SOX5: variants seen among roughly 807,000 people sequenced by gnomAD.
SOX5 encodes the protein SRY-box transcription factor 5.
In SOX5, 9 loss-of-function variants were observed where a neutral mutation model predicts 92.0. That is an observed-to-expected ratio of 0.10 (90% CI 0.06 to 0.17). The LOEUF is 0.17. Ranked by LOEUF, SOX5 falls within the 10% of genes least tolerant of loss-of-function variation. The pLI is 1.00. For missense variants in SOX5, 642 were observed against 944.5 expected, an observed-to-expected ratio of 0.68 and a Z score of 4.20; for synonymous variants, 344 against 336.3, an observed-to-expected ratio of 1.02 and a Z score of -0.25.
intron 1 of SOX5, among the ~76,000 whole-genome samples, chr12:24,379,047 T>A (rs1017369914): frequency 6.6e-6 from 1 of 152,186 alleles, no homozygotes; most frequent in African/African-American, 2.4e-5. Context: ...CTCTTACCCA[T>A]TGGAACACGG....
chr12:24,300,452 T>C (rs888573724), intron 2 of SOX5, among the ~76,000 whole-genome samples: 5 of 152,216 alleles, frequency 3.3e-5, no homozygotes, highest in African/African-American at 9.6e-5. Context: ...GTGAGCTATT[T>C]TGGACTCAAA....
At chr12:23,537,732 T>G (rs563123479) in intron 13 of SOX5, among the ~76,000 whole-genome samples, 26 of 151,838 alleles carry the variant, frequency 1.7e-4, no homozygotes, top group Non-Finnish European at 2.9e-4. Context: ...AGATATGGTT[T>G]AAAACTTGGA....
At chr12:23,684,742 G>T (rs188707141) in intron 6 of SOX5, among the ~76,000 whole-genome samples, 1 of 152,040 alleles carries the variant, frequency 6.6e-6, no homozygotes, top group Non-Finnish European at 1.5e-5. Context: ...GATGGTAAAG[G>T]CTTCCCAACT....
intron 1 of SOX5, among the ~76,000 whole-genome samples, chr12:23,939,258 G>A (rs1216973510): frequency 6.6e-6 from 1 of 151,086 alleles, no homozygotes; most frequent in Non-Finnish European, 1.5e-5. Flanking sequence ...TTAGCAGTAA[G>A]TTGCCCAACT....
At chr12:24,177,450 A>C (rs1000476989) in intron 4 of SOX5, among the ~76,000 whole-genome samples, 1 of 152,198 alleles carries the variant, frequency 6.6e-6, no homozygotes, top group African/African-American at 2.4e-5. Flanking sequence ...GGTATTGTCT[A>C]AACAGAAAAT....
chr12:23,900,213 A>G lies in SOX5; in HGVS notation c.39-4189T>C, dbSNP rs73280154. Among the ~76,000 whole-genome samples, 564 of 152,326 alleles carry G rather than the reference A, an allele frequency of 3.7e-3. 2 individuals carry two copies. Among genetic ancestry groups the G allele is most frequent in the African/African-American group, 0.013 (537 of 41,580 alleles). On this transcript the variant is annotated intron_variant, in intron 1 of 14. Transcript: ENST00000451604. ...AACACTCCTGGAATTGCTGAGTTAC[A>G]TGAACAAAATAAGAAACATGCTCAC...
At chr12:24,012,943 A>G (rs1228737723) in intron 4 of SOX5, among the ~76,000 whole-genome samples, 1 of 152,186 alleles carries the variant, frequency 6.6e-6, no homozygotes, top group Non-Finnish European at 1.5e-5. Flanking sequence ...AATCATATTG[A>G]TAAGTAGCTA....
intron 2 of SOX5, among the ~76,000 whole-genome samples, chr12:24,309,117 T>C (rs1948913835): frequency 6.6e-6 from 1 of 152,224 alleles, no homozygotes; most frequent in Non-Finnish European, 1.5e-5. Flanking sequence ...GATATCCTTG[T>C]AGATAGGATG....
chr12:24,534,838 G>C (rs1345275631), intron 1 of SOX5, among the ~76,000 whole-genome samples: 1 of 152,226 alleles, frequency 6.6e-6, no homozygotes, highest in Non-Finnish European at 1.5e-5. Flanking sequence ...GGCATTCTGA[G>C]AACACATCCC....
At chr12:24,355,168 A>C (rs1954638763) in intron 2 of SOX5, among the ~76,000 whole-genome samples, 1 of 152,024 alleles carries the variant, frequency 6.6e-6, no homozygotes. Context: ...CATAGAGATC[A>C]CTGCAGCAGT....
At chr12:23,708,959 C>A (rs1267162721) in intron 6 of SOX5, among the ~76,000 whole-genome samples, 1 of 152,094 alleles carries the variant, frequency 6.6e-6, no homozygotes, top group Non-Finnish European at 1.5e-5. Context: ...TTTAAACATA[C>A]AAGATCATCA....
At chr12:23,839,903 T>C (rs901112904) in intron 3 of SOX5, among the ~76,000 whole-genome samples, 1 of 151,066 alleles carries the variant, frequency 6.6e-6, no homozygotes, top group African/African-American at 2.4e-5. Flanking sequence ...CTTTCCCCTT[T>C]ATAATCAAGA....
At chr12:24,322,873 T>C (rs1950338974) in intron 2 of SOX5, among the ~76,000 whole-genome samples, 1 of 152,164 alleles carries the variant, frequency 6.6e-6, no homozygotes, top group African/African-American at 2.4e-5. Context: ...AACATTATTT[T>C]TGTCCCACTT....
At chr12:23,584,749 A>ATG (rs1168076152) in intron 9 of SOX5, 2 of 483,040 alleles carry the variant, frequency 4.1e-6, no homozygotes, top group African/African-American at 2.0e-5. Flanking sequence ...GTGTGTGTGT[A>ATG]TGTGTGTGTG....
At chr12:23,654,291 T>C (rs938597918) in intron 7 of SOX5, among the ~76,000 whole-genome samples, 1 of 152,106 alleles carries the variant, frequency 6.6e-6, no homozygotes, top group Non-Finnish European at 1.5e-5. Context: ...ATTCCATAAT[T>C]TATCTCTTGT....
intron 3 of SOX5, among the ~76,000 whole-genome samples, chr12:23,761,417 A>C (rs1228821683): frequency 6.6e-6 from 1 of 152,114 alleles, no homozygotes; most frequent in East Asian, 1.9e-4. Flanking sequence ...TAATTTTTAA[A>C]CTAGTTACAG....
At chr12:24,324,120 A>C (rs74529378) in intron 2 of SOX5, among the ~76,000 whole-genome samples, 9 of 152,154 alleles carry the variant, frequency 5.9e-5, no homozygotes, top group Non-Finnish European at 4.4e-5. Flanking sequence ...ATTGGGTCTT[A>C]TATTTCTTCA....
chr12:23,689,174 T>G (rs75698419), intron 6 of SOX5, among the ~76,000 whole-genome samples: 2,499 of 152,208 alleles, frequency 0.016, 47 homozygotes, highest in African/African-American at 0.057. Context: ...TAAGTCGTCT[T>G]TGTTTTCTCC....
At chr12:24,223,641 G>C (rs1423831584) in intron 3 of SOX5, among the ~76,000 whole-genome samples, 1 of 152,130 alleles carries the variant, frequency 6.6e-6, no homozygotes, top group Non-Finnish European at 1.5e-5. Context: ...TGTAGTCCCA[G>C]CTACTCTGGA....
Sources: gnomAD v4.1 joint callset for allele counts (sites outside exome capture counted in the v4.1 genomes callset) on GRCh38, gnomAD v4.1.1 for gene constraint, MANE v1.5 for transcripts, NCBI Gene and HGNC (gene_info 2026-07-23, HGNC 2026-07-21) for gene names.